GRIN3A: variants seen among roughly 807,000 people sequenced by gnomAD.
The protein encoded by GRIN3A is glutamate ionotropic receptor NMDA type subunit 3A.
A neutral mutation model predicts 92.4 loss-of-function variants in GRIN3A; 47 were observed. That is an observed-to-expected ratio of 0.51 (90% CI 0.40 to 0.65). The LOEUF (loss-of-function observed/expected upper bound fraction) is 0.65. Ranked by LOEUF, GRIN3A falls within the 30% of genes least tolerant of loss-of-function variation. GRIN3A has a pLI of 0.00. For missense variants in GRIN3A, 1,324 were observed against 1,393.1 expected, an observed-to-expected ratio of 0.95 and a Z score of 0.79; for synonymous variants, 527 against 540.6, an observed-to-expected ratio of 0.97 and a Z score of 0.35.
rs574224531 is a variant in GRIN3A, at chr9:101,731,617, T to G, written c.699+5664A>C. On this transcript the variant is annotated intron_variant, in intron 1 of 8. Coordinates refer to ENST00000361820, the MANE Select transcript of GRIN3A (RefSeq NM_133445.3). ...GACACCAGCCTTTCAATGTCAAAGT[T>G]TACTCCTCATGACATAATGCCAGCC... Among the ~76,000 whole-genome samples, 743 of 152,248 alleles carry G rather than the reference T, an allele frequency of 4.9e-3. 2 individuals are homozygous for G. Among genetic ancestry groups the G allele is most frequent in the Non-Finnish European group, 8.4e-3 (569 of 68,004 alleles).
chr9:101,570,794 A>T lies in GRIN3A; in HGVS notation c.*2380T>A, dbSNP rs973004412. 1.3e-5 allele frequency: 2 copies of T among 152,656 alleles called. No individual in the cohort carries two copies. The highest frequency in any genetic ancestry group is 4.8e-5 in the African/African-American group (2 of 41,452). 9.5% of individuals were successfully genotyped at this position (152,656 alleles called of 1,614,324 possible). On this transcript the variant is annotated 3_prime_UTR_variant, in exon 9 of 9. Transcript: ENST00000361820. ...ACAAAAATGCAGACTTACAAAACAG[A>T]TACATTAAGGGATAATTAATTGCAT...
chr9:101,639,352 A>G (rs1374086325), intron 3 of GRIN3A, among the ~76,000 whole-genome samples: 1 of 152,172 alleles, frequency 6.6e-6, no homozygotes, highest in African/African-American at 2.4e-5. Flanking sequence ...AGAAAAAAAA[A>G]AAGGAGGATG....
At chr9:101,685,602 A>G (rs948033455) in intron 2 of GRIN3A, among the ~76,000 whole-genome samples, 1 of 151,642 alleles carries the variant, frequency 6.6e-6, no homozygotes, top group African/African-American at 2.4e-5. Flanking sequence ...CACCAAAACC[A>G]TTTCCATATG....
rs144441276 is a variant in GRIN3A, at chr9:101,632,078, C to T, written c.2353-3677G>A. Among the ~76,000 whole-genome samples the T allele has an allele frequency of 3.2e-3, 491 of 152,330 alleles. 4 individuals are homozygous for T. Among genetic ancestry groups the T allele is most frequent in the Middle Eastern group, 0.017 (5 of 294 alleles). ...CCTTGTCGTCCTGCTCTCCCCCTGG[C>T]CTTCCAAGCTTTGGCCAGTTCTCTC... On this transcript the variant is annotated intron_variant, in intron 3 of 8. Transcript: ENST00000361820.
At chr9:101,728,086 T>C (rs557429494) in intron 1 of GRIN3A, among the ~76,000 whole-genome samples, 1 of 152,222 alleles carries the variant, frequency 6.6e-6, no homozygotes, top group East Asian at 1.9e-4. Context: ...GGAATCTCTG[T>C]TTAAGAATGT....
intron 3 of GRIN3A, among the ~76,000 whole-genome samples, chr9:101,659,414 A>G (rs1354865429): frequency 7.0e-6 from 1 of 141,890 alleles, no homozygotes; most frequent in Non-Finnish European, 1.5e-5. Context: ...TTATACATAG[A>G]AAGTATCTAT....
chr9:101,584,709 A>G (rs1827929087), intron 6 of GRIN3A, among the ~76,000 whole-genome samples: 2 of 152,248 alleles, frequency 1.3e-5, no homozygotes, highest in East Asian at 3.9e-4. Flanking sequence ...CCAAATTCAG[A>G]TAAAAGGAGA....
chr9:101,644,102 A>C (rs887227010), intron 3 of GRIN3A, among the ~76,000 whole-genome samples: 2 of 151,976 alleles, frequency 1.3e-5, no homozygotes, highest in Non-Finnish European at 2.9e-5. Context: ...TTCACAATGT[A>C]CACATATATA....
intron 3 of GRIN3A, among the ~76,000 whole-genome samples, chr9:101,652,938 TTA>T (rs1474325537): frequency 6.6e-6 from 1 of 151,924 alleles, no homozygotes; most frequent in Non-Finnish European, 1.5e-5. Context: ...GTGATTTTTT[TTA>T]GGGGGGCTGG....
intron 3 of GRIN3A, among the ~76,000 whole-genome samples, chr9:101,662,874 T>C (rs1829188759): frequency 6.6e-6 from 1 of 151,904 alleles, no homozygotes; most frequent in African/African-American, 2.4e-5. Context: ...CTACACTGAA[T>C]AGGATATTTC....
At chr9:101,660,769 G>A (rs922735632) in intron 3 of GRIN3A, among the ~76,000 whole-genome samples, 4 of 151,274 alleles carry the variant, frequency 2.6e-5, no homozygotes, top group Non-Finnish European at 4.4e-5. Flanking sequence ...CCCCCAACAG[G>A]GGTTTTTCTC....
intron 5 of GRIN3A, among the ~76,000 whole-genome samples, chr9:101,615,456 A>T (rs1157763870): frequency 7.2e-6 from 1 of 138,462 alleles, no homozygotes; most frequent in African/African-American, 2.7e-5. Flanking sequence ...TCCTGGGTTC[A>T]CGCCATTCTC....
At chr9:101,591,974 G>A (rs1171845958) in intron 6 of GRIN3A, 1 of 152,184 alleles carries the variant, frequency 6.6e-6, no homozygotes, top group African/African-American at 2.4e-5. Context: ...ATATTTTAAT[G>A]TGCACATTGC....
At chr9:101,687,833 G>A (rs1346562626) in intron 1 of GRIN3A, among the ~76,000 whole-genome samples, 1 of 152,140 alleles carries the variant, frequency 6.6e-6, no homozygotes, top group South Asian at 2.1e-4. Context: ...GATTCTTGCT[G>A]TGAAAAGTGA....
At chr9:101,586,870 T>C (rs965277003) in intron 6 of GRIN3A, among the ~76,000 whole-genome samples, 2 of 152,204 alleles carry the variant, frequency 1.3e-5, no homozygotes, top group East Asian at 1.9e-4. Flanking sequence ...TCATTTCCAA[T>C]GTCAGTGCCC....
chr9:101,579,408 G>C, intron 6 of GRIN3A, 48 bp from the exon 7 acceptor site: 11 of 1,586,028 alleles, frequency 6.9e-6, no homozygotes, highest in Non-Finnish European at 9.5e-6. Flanking sequence ...TGATATACCT[G>C]GCCCAATGCT....
At chr9:101,724,234 A>G (rs1830054137) in intron 1 of GRIN3A, among the ~76,000 whole-genome samples, 2 of 152,174 alleles carry the variant, frequency 1.3e-5, no homozygotes, top group Non-Finnish European at 2.9e-5. Context: ...CAGGCATGGC[A>G]GGCTGCAGGT....
chr9:101,707,406 T>C (rs1011869758), intron 1 of GRIN3A, among the ~76,000 whole-genome samples: 2 of 152,226 alleles, frequency 1.3e-5, no homozygotes, highest in African/African-American at 2.4e-5. Context: ...CTCTTCTTTA[T>C]GGCTACTTTA....
At chr9:101,717,247 G>A (rs986212777) in intron 1 of GRIN3A, among the ~76,000 whole-genome samples, 1 of 151,714 alleles carries the variant, frequency 6.6e-6, no homozygotes, top group Non-Finnish European at 1.5e-5. Context: ...TTTTTCCCAG[G>A]TGGTTCCTGG....
Sources: allele counts gnomAD v4.1 joint callset (sites outside exome capture counted in the v4.1 genomes callset), GRCh38; gene constraint gnomAD v4.1.1; transcripts MANE v1.5; gene names NCBI Gene and HGNC (gene_info 2026-07-23, HGNC 2026-07-21).